Variants in KCNMB2 observed in about 807,000 individuals in gnomAD.
The protein encoded by KCNMB2 is calcium-activated potassium channel subunit beta-2.
KCNMB2 carries 9 observed loss-of-function variants against 24.5 expected under a neutral mutation model. The observed-to-expected ratio is 0.37, with a 90% CI of 0.22 to 0.64. KCNMB2 has a LOEUF of 0.64. Ranked by LOEUF, KCNMB2 falls within the 30% of genes least tolerant of loss-of-function variation. The pLI, the probability that KCNMB2 is intolerant of heterozygous loss-of-function variation, is 0.63. For synonymous variants in KCNMB2, 109 were observed against 104.4 expected (o/e 1.04, Z -0.27); for missense variants, 226 against 284.3 (o/e 0.79, Z 1.47).
At chr3:178,608,394 TA>T (rs1470387745) in intron 1 of KCNMB2, among the ~76,000 whole-genome samples, 1 of 150,722 alleles carries the variant, frequency 6.6e-6, no homozygotes, top group African/African-American at 2.4e-5. Context: ...ATCCTTTTTT[TA>T]ATTTTTGTGG....
At chr3:178,778,476 A>ACACACG (rs1712687064) in intron 1 of KCNMB2, among the ~76,000 whole-genome samples, 6 of 67,372 alleles carry the variant, frequency 8.9e-5, no homozygotes, top group African/African-American at 3.3e-4. Context: ...ACACACACAC[A>ACACACG]CACACACACA....
At chr3:178,682,109 C>T (rs947100121) in intron 1 of KCNMB2, among the ~76,000 whole-genome samples, 5 of 152,202 alleles carry the variant, frequency 3.3e-5, no homozygotes, top group African/African-American at 9.6e-5. Context: ...CATTCTTCTC[C>T]ACTTCCCTGG....
chr3:178,834,254 A>G (rs1715145886), intron 4 of KCNMB2, among the ~76,000 whole-genome samples: 1 of 152,170 alleles, frequency 6.6e-6, no homozygotes, highest in Non-Finnish European at 1.5e-5. Flanking sequence ...CCCCACACAT[A>G]ATGAAGGTGA....
intron 1 of KCNMB2, among the ~76,000 whole-genome samples, chr3:178,640,443 C>T (rs1266669867): frequency 6.6e-6 from 1 of 152,116 alleles, no homozygotes; most frequent in Non-Finnish European, 1.5e-5. Flanking sequence ...CTCACTATCA[C>T]AAGAACAGCA....
At position 178,825,819 on chromosome 3, in the gene KCNMB2, C is replaced by T. The variant is rs184860331; in HGVS notation, c.227+61C>T. 235 of 1,371,812 alleles carry T rather than the reference C, an allele frequency of 1.7e-4. 1 individual carries two copies. The African/African-American group carries it at 3.1e-3, about 18-fold the overall frequency. 85.0% of individuals were successfully genotyped at this position (1,371,812 alleles called of 1,614,324 possible). On this transcript the variant is annotated intron_variant, in intron 3 of 4. Coordinates refer to ENST00000452583, the MANE Select transcript of KCNMB2 (RefSeq NM_181361.3). ...TCTCCTGCTCCATCCTCCCCCATCA[C>T]TTAGGCAACCCTAAGGTCATCTTCC...
intron 4 of KCNMB2, among the ~76,000 whole-genome samples, chr3:178,829,850 A>G (rs994461123): frequency 5.3e-5 from 8 of 152,210 alleles, no homozygotes; most frequent in Non-Finnish European, 1.2e-4. Flanking sequence ...TGCTCTCAGC[A>G]TAATACTAGG....
chr3:178,676,158 G>A (rs1721063587), intron 1 of KCNMB2, among the ~76,000 whole-genome samples: 1 of 152,092 alleles, frequency 6.6e-6, no homozygotes, highest in Non-Finnish European at 1.5e-5. Flanking sequence ...CCTGGAAAAG[G>A]GAGTAGGCTG....
At chr3:178,822,288 T>C (rs1235755061) in intron 2 of KCNMB2, among the ~76,000 whole-genome samples, 1 of 152,234 alleles carries the variant, frequency 6.6e-6, no homozygotes, top group Non-Finnish European at 1.5e-5. Context: ...TGATTCAATC[T>C]TGAAGATTTT....
intron 1 of KCNMB2, among the ~76,000 whole-genome samples, chr3:178,787,459 G>T (rs1713153519): frequency 6.6e-6 from 1 of 152,026 alleles, no homozygotes; most frequent in Non-Finnish European, 1.5e-5. Flanking sequence ...ACCTTCACAA[G>T]AACTTTATGA....
chr3:178,634,455 G>C (rs1231219095), intron 1 of KCNMB2, among the ~76,000 whole-genome samples: 2 of 152,090 alleles, frequency 1.3e-5, no homozygotes, highest in African/African-American at 4.8e-5. Flanking sequence ...CATGGTGGCA[G>C]CAAGGAGAAG....
chr3:178,558,984 G>C (rs1457309163), intron 1 of KCNMB2: 1 of 152,180 alleles, frequency 6.6e-6, no homozygotes. Context: ...ACGCGCTGTG[G>C]GTAAGCTGGA....
At position 178,759,572 on chromosome 3, in the gene KCNMB2, C is replaced by A. The variant is rs372320022; in HGVS notation, c.-67-47771C>A. On this transcript the variant is annotated intron_variant, in intron 1 of 4. Transcript: ENST00000452583. ...AAGAGGATATATATATCTCTCTCCA[C>A]GAGGATATATATACATATATCTCTC... is the stretch of plus-strand genomic sequence containing the variant. Among the ~76,000 whole-genome samples the A allele has an allele frequency of 6.6e-4, 78 of 117,304 alleles. 2 individuals carry two copies. Among genetic ancestry groups the A allele is most frequent in the African/African-American group, 2.1e-3 (60 of 28,924 alleles). 77.0% of individuals were successfully genotyped at this position (117,304 alleles called of 152,430 possible).
chr3:178,656,721 G>A (rs559229791), intron 1 of KCNMB2, among the ~76,000 whole-genome samples: 2 of 152,214 alleles, frequency 1.3e-5, no homozygotes, highest in African/African-American at 4.8e-5. Flanking sequence ...GCAGTGAGCC[G>A]AGATCGCGCC....
At chr3:178,811,630 C>CATA (rs1714197518) in intron 2 of KCNMB2, among the ~76,000 whole-genome samples, 1 of 152,160 alleles carries the variant, frequency 6.6e-6, no homozygotes, top group Admixed American at 6.5e-5. Context: ...GCAACATTTG[C>CATA]ATTATTTCCA....
intron 1 of KCNMB2, among the ~76,000 whole-genome samples, chr3:178,606,669 AT>A (rs1218037951): frequency 1.3e-5 from 2 of 151,930 alleles, no homozygotes; most frequent in Non-Finnish European, 2.9e-5. Context: ...GAAGGACATG[AT>A]TTGGGGGTGG....
At chr3:178,740,763 T>C (rs1723469544) in intron 1 of KCNMB2, among the ~76,000 whole-genome samples, 1 of 152,186 alleles carries the variant, frequency 6.6e-6, no homozygotes, top group African/African-American at 2.4e-5. Context: ...TGAACACACA[T>C]GTTGAGCACC....
chr3:178,554,517 C>T (rs969839043), intron 1 of KCNMB2, among the ~76,000 whole-genome samples: 1 of 152,108 alleles, frequency 6.6e-6, no homozygotes, highest in South Asian at 2.1e-4. Flanking sequence ...TCACCTAGAA[C>T]CTTATTAGAA....
chr3:178,733,117 T>G (rs1723206582), intron 1 of KCNMB2, among the ~76,000 whole-genome samples: 1 of 152,194 alleles, frequency 6.6e-6, no homozygotes, highest in Admixed American at 6.5e-5. Context: ...GGGTAGAAAT[T>G]TTAGCAGGTA....
At chr3:178,804,289 C>T (rs4370006) in intron 1 of KCNMB2, among the ~76,000 whole-genome samples, 74,094 of 152,028 alleles carry the variant, frequency 0.49, 19,177 homozygotes, top group African/African-American at 0.68. Flanking sequence ...AAAGAACCTC[C>T]AAGCCAGCTT....
Sources: allele counts gnomAD v4.1 joint callset (sites outside exome capture counted in the v4.1 genomes callset), GRCh38; gene constraint gnomAD v4.1.1; transcripts MANE v1.5; gene names NCBI Gene and HGNC (gene_info 2026-07-23, HGNC 2026-07-21).